MYO16: variants seen among roughly 807,000 people sequenced by gnomAD.
MYO16 encodes unconventional myosin-XVI.
Under a neutral mutation model 205.3 loss-of-function variants are expected in MYO16, and 94 were observed. That is an observed-to-expected ratio of 0.46 (90% confidence interval 0.39 to 0.54). MYO16 has a LOEUF of 0.54. MYO16 is among the 20% of genes least tolerant of loss of function. The probability of loss-of-function intolerance (pLI) is 0.00; values close to 1 mark genes in which losing one functional copy is unlikely to be tolerated. For missense variants in MYO16, 2,315 were observed against 2,387.5 expected, an observed-to-expected ratio of 0.97 and a Z score of 0.63; for synonymous variants, 988 against 954.0, an observed-to-expected ratio of 1.04 and a Z score of -0.66.
chr13:108,993,562 C>T (rs1389518245), intron 21 of MYO16, among the ~76,000 whole-genome samples: 1 of 152,070 alleles, frequency 6.6e-6, no homozygotes, highest in Non-Finnish European at 1.5e-5. Flanking sequence ...GGTGAGTCAG[C>T]ACGAACCACG....
the MYO16 span, among the ~76,000 whole-genome samples, chr13:108,583,335 G>A: frequency 6.6e-6 from 1 of 152,200 alleles, no homozygotes; most frequent in Non-Finnish European, 1.5e-5. Flanking sequence ...AGTTGACAGA[G>A]TTGATGGCAT....
chr13:108,681,699 G>A (rs1882470515), intron 2 of MYO16, among the ~76,000 whole-genome samples: 1 of 152,054 alleles, frequency 6.6e-6, no homozygotes, highest in East Asian at 1.9e-4. Context: ...GGTAAATAAA[G>A]AGAGAGAGAG....
chr13:109,122,534 C>T (rs1054065688), intron 29 of MYO16, among the ~76,000 whole-genome samples: 2 of 151,972 alleles, frequency 1.3e-5, no homozygotes, highest in East Asian at 1.9e-4. Flanking sequence ...CAAAATTAGC[C>T]GGGCATGGTA....
At chr13:108,569,530 C>T in the MYO16 span, among the ~76,000 whole-genome samples, 1 of 151,928 alleles carries the variant, frequency 6.6e-6, no homozygotes, top group Non-Finnish European at 1.5e-5. Context: ...ATTATTAGTT[C>T]TGATAGATTT....
chr13:108,501,025 G>A, the MYO16 span, among the ~76,000 whole-genome samples: 13 of 152,166 alleles, frequency 8.5e-5, no homozygotes, highest in Admixed American at 4.6e-4. Context: ...CTGTACACTG[G>A]GCATGAGCTG....
chr13:108,967,573 G>A (rs145211137), intron 20 of MYO16, among the ~76,000 whole-genome samples: 101 of 152,240 alleles, frequency 6.6e-4, no homozygotes, highest in African/African-American at 2.4e-3. Flanking sequence ...CGGACCCTGC[G>A]GGCTGGGGAC....
intron 21 of MYO16, among the ~76,000 whole-genome samples, chr13:108,997,340 G>GAAAGAAAGAA (rs1885051694): frequency 3.2e-4 from 1 of 3,096 alleles, no homozygotes; most frequent in African/African-American, 1.5e-3. Flanking sequence ...AAGAAAGAAA[G>GAAAGAAAGAA]AGAGAGAGAG....
intron 9 of MYO16, among the ~76,000 whole-genome samples, chr13:108,830,904 C>T (rs1307789284): frequency 6.6e-6 from 1 of 152,224 alleles, no homozygotes; most frequent in South Asian, 2.1e-4. Flanking sequence ...TCTATTCAGT[C>T]CATTATTTTA....
chr13:108,635,681 G>T (rs1433605128), intron 1 of MYO16, among the ~76,000 whole-genome samples: 1 of 151,868 alleles, frequency 6.6e-6, no homozygotes, highest in African/African-American at 2.4e-5. Context: ...TTTATTTTTA[G>T]TAGAGATGGG....
At position 109,140,618 on chromosome 13, in the gene MYO16, C is replaced by T. The variant is rs760231613; in HGVS notation, c.4406C>T (p.Ala1469Val). The stretch of plus-strand genomic sequence containing the variant: ...CTGCCCGACGACGGCGGCCCGGGCG[C>T]GGGCTCCTTCCTGCTCCACGGCGCA... ...CCLPDDGGPG[A>V]GSFLLHGASP... Residue 1469 changes from alanine (A) to valine (V), a missense_variant, in exon 32 of 35, where the codon GCG (alanine) becomes GTG (valine). By Grantham distance (64) the Ala-to-Val change is moderately conservative. Coordinates refer to ENST00000457511, the MANE Select transcript of MYO16 (RefSeq NM_001198950.3). This position sits in a 1 kb window ranked among gnomAD's most constrained non-coding sequence, Gnocchi z 8.0. 1 of 1,518,158 alleles carries T rather than the reference C, an allele frequency of 6.6e-7. No homozygotes were observed. Among genetic ancestry groups the T allele is most frequent in the Middle Eastern group, 1.7e-4 (1 of 5,828 alleles). 94.0% of individuals were successfully genotyped at this position (1,518,158 alleles called of 1,614,324 possible).
the MYO16 span, among the ~76,000 whole-genome samples, chr13:108,533,762 A>G: frequency 4.6e-5 from 7 of 152,314 alleles, no homozygotes; most frequent in South Asian, 1.5e-3. Flanking sequence ...ATGACATTCT[A>G]TTTTCCATAT....
At chr13:109,022,925 A>T (rs1264594688) in intron 23 of MYO16, among the ~76,000 whole-genome samples, 1 of 136,118 alleles carries the variant, frequency 7.3e-6, no homozygotes, top group African/African-American at 2.7e-5. Context: ...TTTATATATT[A>T]TATACACATG....
chr13:108,864,775 C>A (rs1181900898), intron 11 of MYO16, among the ~76,000 whole-genome samples: 2 of 152,064 alleles, frequency 1.3e-5, no homozygotes, highest in Admixed American at 6.6e-5. Flanking sequence ...AACAATCCTC[C>A]TATCCTCCTG....
At chr13:109,090,669 A>G (rs1888592186) in intron 27 of MYO16, among the ~76,000 whole-genome samples, 1 of 152,186 alleles carries the variant, frequency 6.6e-6, no homozygotes, top group African/African-American at 2.4e-5. Flanking sequence ...ATGGGTGGAT[A>G]TTTCCTGTCA....
intron 11 of MYO16, among the ~76,000 whole-genome samples, chr13:108,861,807 C>G (rs1474052447): frequency 6.6e-6 from 1 of 151,958 alleles, no homozygotes; most frequent in Non-Finnish European, 1.5e-5. Context: ...CTTTCTTCTT[C>G]TTGATATATA....
At chr13:109,149,097 G>A (rs1269012985) in intron 32 of MYO16, among the ~76,000 whole-genome samples, 1 of 152,158 alleles carries the variant, frequency 6.6e-6, no homozygotes, top group Non-Finnish European at 1.5e-5. Context: ...TATCTCCATT[G>A]TTTCTCTTCT....
chr13:108,678,211 A>G (rs1882313607), intron 2 of MYO16, among the ~76,000 whole-genome samples: 1 of 152,210 alleles, frequency 6.6e-6, no homozygotes, highest in African/African-American at 2.4e-5. Context: ...ATACACAGAG[A>G]ATTTCTAAAA....
intron 13 of MYO16, 39 bp from the exon 14 acceptor site, chr13:108,888,333 T>A (rs1196481262): frequency 3.5e-6 from 5 of 1,435,260 alleles, no homozygotes; most frequent in Non-Finnish European, 4.8e-6. Context: ...TGAAGCAAAG[T>A]TCCTTCAAAC....
intron 11 of MYO16, among the ~76,000 whole-genome samples, chr13:108,856,595 T>A (rs1878183170): frequency 6.6e-6 from 1 of 152,154 alleles, no homozygotes; most frequent in Non-Finnish European, 1.5e-5. Context: ...GTAAAGTGTG[T>A]ATTTTTATAA....
Sources: gnomAD v4.1 joint callset for allele counts (sites outside exome capture counted in the v4.1 genomes callset) on GRCh38, gnomAD v4.1.1 for gene constraint, Gnocchi (gnomAD v3.1) non-coding constraint, MANE v1.5 for transcripts, NCBI Gene and HGNC (gene_info 2026-07-23, HGNC 2026-07-21) for gene names.